The following ZMAT4 variants were observed in gnomAD, a reference collection of about 807,000 sequenced individuals.
The protein encoded by ZMAT4 is zinc finger matrin-type protein 4.
Under a neutral mutation model 28.7 loss-of-function variants are expected in ZMAT4, and 17 were observed. The ratio of observed to expected loss-of-function variants is 0.59; its 90% CI spans 0.41 to 0.89. The LOEUF is 0.89. ZMAT4 is among the 40% of genes least tolerant of loss of function. ZMAT4 has a pLI of 0.00. For missense variants in ZMAT4, 240 were observed against 283.8 expected (o/e 0.85, Z 1.11); for synonymous variants, 117 against 109.2 (o/e 1.07, Z -0.44).
chr8:40,534,533 A>C (rs1802787010), intron 6 of ZMAT4, among the ~76,000 whole-genome samples: 2 of 152,190 alleles, frequency 1.3e-5, no homozygotes, highest in Non-Finnish European at 2.9e-5. Context: ...GACAGCCTTA[A>C]ATATGATTCC....
intron 2 of ZMAT4, among the ~76,000 whole-genome samples, chr8:40,814,779 C>A (rs1815464500): frequency 6.6e-6 from 1 of 152,144 alleles, no homozygotes; most frequent in Non-Finnish European, 1.5e-5. Context: ...AGGTGGGAGA[C>A]TTTTCACATA....
intron 5 of ZMAT4, among the ~76,000 whole-genome samples, chr8:40,611,624 GC>G (rs1314382430): frequency 6.6e-6 from 1 of 152,208 alleles, no homozygotes; most frequent in East Asian, 1.9e-4. Context: ...ACAGGCGTGA[GC>G]CATCGCACCC....
At chr8:40,614,180 A>G (rs991900671) in intron 5 of ZMAT4, among the ~76,000 whole-genome samples, 1 of 152,154 alleles carries the variant, frequency 6.6e-6, no homozygotes, top group African/African-American at 2.4e-5. Context: ...GCACCTTGCA[A>G]AGGAAGTGTC....
chr8:40,736,507 T>C (rs573332553), intron 3 of ZMAT4, among the ~76,000 whole-genome samples: 4 of 152,244 alleles, frequency 2.6e-5, no homozygotes, highest in Admixed American at 2.6e-4. Flanking sequence ...ATAAGAAAAG[T>C]ACCATATAAG....
chr8:40,872,077 A>G (rs1003888062), intron 1 of ZMAT4, among the ~76,000 whole-genome samples: 16 of 152,142 alleles, frequency 1.1e-4, no homozygotes, highest in African/African-American at 3.9e-4. Context: ...CAGGGGAGGG[A>G]GTTTCTGCTT....
intron 1 of ZMAT4, among the ~76,000 whole-genome samples, chr8:40,881,882 G>A (rs1029936268): frequency 5.9e-5 from 9 of 151,996 alleles, no homozygotes; most frequent in East Asian, 5.8e-4. Flanking sequence ...CTCCATCACC[G>A]CCACTCCTCA....
chr8:40,827,945 G>A (rs946590999), intron 1 of ZMAT4, among the ~76,000 whole-genome samples: 1 of 152,126 alleles, frequency 6.6e-6, no homozygotes, highest in African/African-American at 2.4e-5. Context: ...ATTTTTTCAT[G>A]AGATATCCTC....
intron 3 of ZMAT4, among the ~76,000 whole-genome samples, chr8:40,746,347 TTTCC>T (rs1812231116): frequency 7.0e-6 from 1 of 142,714 alleles, no homozygotes; most frequent in Admixed American, 7.2e-5. Flanking sequence ...TTTCCTTTCC[TTTCC>T]TTCCCTTTCT....
At chr8:40,742,541 G>T (rs1812052986) in intron 3 of ZMAT4, among the ~76,000 whole-genome samples, 1 of 151,934 alleles carries the variant, frequency 6.6e-6, no homozygotes, top group African/African-American at 2.4e-5. Flanking sequence ...CAATAATTGG[G>T]GGCCAGTGTT....
chr8:40,617,526 T>C (rs778104502), intron 5 of ZMAT4, among the ~76,000 whole-genome samples: 5 of 152,216 alleles, frequency 3.3e-5, no homozygotes, highest in Non-Finnish European at 7.3e-5. Context: ...GCTGAAACGC[T>C]ATGCAAGCAG....
chr8:40,835,268 G>A (rs1282674539), intron 1 of ZMAT4, among the ~76,000 whole-genome samples: 1 of 152,176 alleles, frequency 6.6e-6, no homozygotes, highest in Non-Finnish European at 1.5e-5. Context: ...AAGAGAAGCA[G>A]GGAGAGGAGG....
chr8:40,598,342 T>A (rs1443683846), intron 5 of ZMAT4, among the ~76,000 whole-genome samples: 1 of 152,132 alleles, frequency 6.6e-6, no homozygotes, highest in Non-Finnish European at 1.5e-5. Flanking sequence ...TAGATATTTG[T>A]CCTAATGCTC....
chr8:40,719,132 G>T (rs947120716), intron 3 of ZMAT4, among the ~76,000 whole-genome samples: 1 of 152,116 alleles, frequency 6.6e-6, no homozygotes, highest in African/African-American at 2.4e-5. Context: ...TAATTAAGAA[G>T]TTGACATATG....
intron 3 of ZMAT4, among the ~76,000 whole-genome samples, chr8:40,725,254 G>A (rs746897286): frequency 6.6e-5 from 10 of 152,118 alleles, no homozygotes; most frequent in Non-Finnish European, 8.8e-5. Flanking sequence ...TCAGGCTGTG[G>A]GGAGTGACTG....
intron 4 of ZMAT4, among the ~76,000 whole-genome samples, chr8:40,685,130 C>T (rs1388247912): frequency 1.2e-5 from 1 of 86,290 alleles, no homozygotes; most frequent in Non-Finnish European, 2.4e-5. Context: ...TTGGGAACTG[C>T]TGTTCTGAGT....
At chr8:40,736,873 TA>T (rs1811785676) in intron 3 of ZMAT4, among the ~76,000 whole-genome samples, 1 of 151,016 alleles carries the variant, frequency 6.6e-6, no homozygotes, top group Non-Finnish European at 1.5e-5. Flanking sequence ...GGACTGAAAA[TA>T]GGGGTAAAAG....
chr8:40,733,234 C>T (rs913729514), intron 3 of ZMAT4, among the ~76,000 whole-genome samples: 1 of 152,042 alleles, frequency 6.6e-6, no homozygotes, highest in Non-Finnish European at 1.5e-5. Flanking sequence ...AGACAATTAT[C>T]GCAGGGGGTT....
chr8:40,541,784 G>GTC (rs1803038459), intron 6 of ZMAT4, among the ~76,000 whole-genome samples: 1 of 152,202 alleles, frequency 6.6e-6, no homozygotes, highest in Non-Finnish European at 1.5e-5. Flanking sequence ...AATAATTTGT[G>GTC]TCTCTCTCTC....
intron 5 of ZMAT4, among the ~76,000 whole-genome samples, chr8:40,601,449 GAAGGAAGGGAGGAAGA>G (rs1805310493): frequency 1.1e-5 from 1 of 93,676 alleles, no homozygotes; most frequent in Non-Finnish European, 2.0e-5. Context: ...AGGAAGGAAG[GAAGGAAGGGAGGAAGA>G]AAGGAAAGAA....
Sources: allele counts gnomAD v4.1 joint callset (sites outside exome capture counted in the v4.1 genomes callset), GRCh38; gene constraint gnomAD v4.1.1; transcripts MANE v1.5; gene names NCBI Gene and HGNC (gene_info 2026-07-23, HGNC 2026-07-21).